Variants in MARCHF1 observed in about 807,000 individuals in gnomAD.
MARCHF1 encodes E3 ubiquitin-protein ligase MARCHF1.
Under a neutral mutation model 54.2 loss-of-function variants are expected in MARCHF1, and 40 were observed. That is an observed-to-expected ratio of 0.74 (90% CI 0.57 to 0.96). The LOEUF is 0.96. MARCHF1 is among the 40% of genes least tolerant of loss of function. The pLI is 0.00. For synonymous variants in MARCHF1, 236 were observed against 236.3 expected (o/e 1.00, Z 0.01); for missense variants, 586 against 656.5 (o/e 0.89, Z 1.17).
intron 1 of MARCHF1, among the ~76,000 whole-genome samples, chr4:164,254,316 C>CAT (rs34498893): frequency 2.3e-5 from 3 of 131,762 alleles, no homozygotes; most frequent in East Asian, 2.0e-4. Context: ...TAATAGTATA[C>CAT]ATATATATAT....
intron 1 of MARCHF1, among the ~76,000 whole-genome samples, chr4:164,142,153 C>A (rs867514856): frequency 3.3e-5 from 5 of 152,216 alleles, no homozygotes; most frequent in African/African-American, 9.6e-5. Context: ...ATATCCTGCA[C>A]CTGCCTCGGA....
At chr4:164,183,702 T>G (rs1730893092) in intron 1 of MARCHF1, among the ~76,000 whole-genome samples, 1 of 152,142 alleles carries the variant, frequency 6.6e-6, no homozygotes, top group Non-Finnish European at 1.5e-5. Context: ...ATTGACAAGA[T>G]AAGCAGGTAA....
intron 1 of MARCHF1, among the ~76,000 whole-genome samples, chr4:164,201,466 C>G (rs558255133): frequency 6.6e-6 from 1 of 152,058 alleles, no homozygotes; most frequent in Admixed American, 6.5e-5. Context: ...GTGACCCGCC[C>G]GCCTGGGACT....
chr4:164,046,823 G>A (rs1421352627), intron 2 of MARCHF1, among the ~76,000 whole-genome samples: 1 of 152,122 alleles, frequency 6.6e-6, no homozygotes, highest in African/African-American at 2.4e-5. Context: ...TATTGGATGA[G>A]AACTCAGAGA....
At chr4:163,955,637 C>T (rs773376318) in intron 3 of MARCHF1, among the ~76,000 whole-genome samples, 8 of 152,016 alleles carry the variant, frequency 5.3e-5, no homozygotes, top group Non-Finnish European at 1.0e-4. Flanking sequence ...TCGCATCTAA[C>T]GTTTCCAGTC....
intron 5 of MARCHF1, among the ~76,000 whole-genome samples, chr4:163,631,058 A>G (rs1336031748): frequency 6.6e-6 from 1 of 152,210 alleles, no homozygotes; most frequent in Non-Finnish European, 1.5e-5. Flanking sequence ...TTCATAGAAT[A>G]TCAAATTATT....
At chr4:164,070,901 C>T (rs1483848788) in intron 2 of MARCHF1, among the ~76,000 whole-genome samples, 1 of 152,170 alleles carries the variant, frequency 6.6e-6, no homozygotes, top group African/African-American at 2.4e-5. Flanking sequence ...GGAGGCCCTT[C>T]TCCTACTGTT....
chr4:164,317,861 C>G (rs561606929), intron 1 of MARCHF1, among the ~76,000 whole-genome samples: 1 of 152,170 alleles, frequency 6.6e-6, no homozygotes, highest in Admixed American at 6.5e-5. Context: ...GTGGAGATAC[C>G]AGCCCACATA....
chr4:163,678,929 G>C (rs6849503), intron 5 of MARCHF1, among the ~76,000 whole-genome samples: 90,642 of 152,022 alleles, frequency 0.6, 27,201 homozygotes, highest in African/African-American at 0.66. Context: ...ATGGTTTTAA[G>C]CAACATTTCA....
chr4:163,628,142 A>G (rs1165275905), intron 5 of MARCHF1, among the ~76,000 whole-genome samples: 1 of 152,202 alleles, frequency 6.6e-6, no homozygotes, highest in Admixed American at 6.5e-5. Flanking sequence ...GAAAATGCAA[A>G]GTGCACATTA....
chr4:164,025,913 TAAAAG>T (rs1167993919), intron 2 of MARCHF1, among the ~76,000 whole-genome samples: 1 of 151,750 alleles, frequency 6.6e-6, no homozygotes, highest in African/African-American at 2.4e-5. Context: ...CACAGAAATA[TAAAAG>T]ATTATCAGAA....
intron 3 of MARCHF1, among the ~76,000 whole-genome samples, chr4:163,906,722 T>TA (rs146881194): frequency 5.3e-4 from 80 of 149,998 alleles, no homozygotes; most frequent in African/African-American, 1.8e-3. Flanking sequence ...CTTAGACAAA[T>TA]AAAAAAAAAG....
intron 2 of MARCHF1, among the ~76,000 whole-genome samples, chr4:164,052,260 C>T (rs1424250361): frequency 1.8e-5 from 1 of 56,822 alleles, no homozygotes; most frequent in African/African-American, 5.2e-5. Flanking sequence ...TAGTGGCTCA[C>T]GCCTGTAATC....
intron 1 of MARCHF1, among the ~76,000 whole-genome samples, chr4:164,350,503 T>C (rs1730254461): frequency 6.6e-6 from 1 of 152,200 alleles, no homozygotes; most frequent in Non-Finnish European, 1.5e-5. Context: ...GAGAGGATTT[T>C]GAATCTTCCC....
At chr4:163,584,243 A>G (rs898892699) in intron 8 of MARCHF1, 2 of 151,978 alleles carry the variant, frequency 1.3e-5, no homozygotes, top group Admixed American at 6.6e-5. Flanking sequence ...AGAATATGTT[A>G]TTATCCTAGA....
intron 4 of MARCHF1, among the ~76,000 whole-genome samples, chr4:163,765,888 T>A (rs1167612466): frequency 2.7e-5 from 4 of 147,728 alleles, no homozygotes; most frequent in Non-Finnish European, 6.0e-5. Context: ...TATATACATA[T>A]ATAATACATA....
intron 2 of MARCHF1, among the ~76,000 whole-genome samples, chr4:164,020,791 C>T (rs1753645986): frequency 6.6e-6 from 1 of 152,150 alleles, no homozygotes. Flanking sequence ...CTTAGCCACA[C>T]ATGATGGCAC....
intron 4 of MARCHF1, among the ~76,000 whole-genome samples, chr4:163,719,991 G>C (rs984788139): frequency 1.3e-5 from 2 of 152,166 alleles, no homozygotes; most frequent in African/African-American, 4.8e-5. Context: ...TGTTCACTCT[G>C]ATGATAGTTT....
intron 5 of MARCHF1, among the ~76,000 whole-genome samples, chr4:163,692,165 G>A (rs1423520760): frequency 6.6e-6 from 1 of 152,142 alleles, no homozygotes; most frequent in Non-Finnish European, 1.5e-5. Context: ...AAACAAAGCA[G>A]GCTCTATTCA....
Sources: allele counts gnomAD v4.1 joint callset (sites outside exome capture counted in the v4.1 genomes callset), GRCh38; gene constraint gnomAD v4.1.1; transcripts MANE v1.5; gene names NCBI Gene and HGNC (gene_info 2026-07-23, HGNC 2026-07-21).